COL25A1: variants seen among roughly 807,000 people sequenced by gnomAD.
COL25A1 encodes collagen type XXV alpha 1 chain.
In COL25A1, 103 loss-of-function variants were observed where a neutral mutation model predicts 128.4. That is an observed-to-expected ratio of 0.80 (90% CI 0.68 to 0.94). COL25A1 has a LOEUF of 0.94. COL25A1 is among the 40% of genes least tolerant of loss of function. The pLI, the probability that COL25A1 is intolerant of heterozygous loss-of-function variation, is 0.00. For synonymous variants in COL25A1, 279 were observed against 277.2 expected (o/e 1.01, Z -0.06); for missense variants, 745 against 840.0 (o/e 0.89, Z 1.40).
intron 3 of COL25A1, among the ~76,000 whole-genome samples, chr4:109,168,062 T>C (rs1303947610): frequency 1.3e-5 from 2 of 152,180 alleles, no homozygotes; most frequent in African/African-American, 2.4e-5. Context: ...GAAAGAATGA[T>C]GAACTAAGAC....
At chr4:108,924,402 A>C (rs762946247) in intron 11 of COL25A1, among the ~76,000 whole-genome samples, 31 of 152,168 alleles carry the variant, frequency 2.0e-4, no homozygotes, top group Non-Finnish European at 2.2e-4. Context: ...ATATGTAAAG[A>C]TTTATGTACA....
Position 109,208,483 on chromosome 4 carries a change from TAA to T in COL25A1, c.367+92098_367+92099del, listed in dbSNP as rs199675745. The stretch of plus-strand genomic sequence containing the variant: ...TTCCAAGAAAGAAGATATCAGTTAA[TAA>T]AAAAAAAAAAAACAAATTATTAAAT... On this transcript the variant is annotated intron_variant, in intron 3 of 37. Transcript: ENST00000399132. Among the ~76,000 whole-genome samples, 179 of 138,314 alleles carry T rather than the reference TAA, an allele frequency of 1.3e-3. 1 individual carries two copies. The highest frequency in any genetic ancestry group is 4.7e-3 in the African/African-American group (172 of 36,656). 90.7% of individuals were successfully genotyped at this position (138,314 alleles called of 152,430 possible). A position where few individuals can be genotyped will look rare whatever the true frequency, so the allele number is the denominator to read the frequency against.
chr4:109,128,310 A>C (rs1335232873), intron 3 of COL25A1, among the ~76,000 whole-genome samples: 2 of 152,204 alleles, frequency 1.3e-5, no homozygotes, highest in Non-Finnish European at 2.9e-5. Flanking sequence ...AATTTCTTCC[A>C]GAGGAGCCTG....
intron 19 of COL25A1, among the ~76,000 whole-genome samples, chr4:108,869,406 G>A (rs368213723): frequency 1.1e-4 from 16 of 152,030 alleles, no homozygotes; most frequent in African/African-American, 3.1e-4. Flanking sequence ...ATCCTGAGTC[G>A]GGGGGAGGGG....
chr4:109,012,968 T>C (rs575159346), intron 5 of COL25A1, among the ~76,000 whole-genome samples: 1 of 152,352 alleles, frequency 6.6e-6, no homozygotes, highest in South Asian at 2.1e-4. Context: ...CTTTTATGTC[T>C]ATGCAGAGGA....
chr4:108,931,686 C>A (rs556492464), intron 11 of COL25A1, among the ~76,000 whole-genome samples: 60 of 152,268 alleles, frequency 3.9e-4, no homozygotes, highest in African/African-American at 1.3e-3. Flanking sequence ...CAGGTCCCCC[C>A]AGCCTGGGGA....
chr4:109,252,209 T>C (rs1780700646), intron 3 of COL25A1, among the ~76,000 whole-genome samples: 2 of 152,196 alleles, frequency 1.3e-5, no homozygotes, highest in African/African-American at 4.8e-5. Context: ...TGCTGCCCCT[T>C]CTATGATGGA....
At chr4:109,243,790 A>C (rs1780063844) in intron 3 of COL25A1, among the ~76,000 whole-genome samples, 2 of 152,102 alleles carry the variant, frequency 1.3e-5, no homozygotes, top group African/African-American at 4.8e-5. Flanking sequence ...AATCTGACAT[A>C]GATTACCATC....
chr4:109,047,878 G>A (rs1470114819), intron 5 of COL25A1, among the ~76,000 whole-genome samples: 9 of 151,668 alleles, frequency 5.9e-5, no homozygotes, highest in Non-Finnish European at 1.3e-4. Context: ...GACTACAGGC[G>A]CCCACCAACA....
chr4:108,870,213 G>A (rs750575079), intron 19 of COL25A1, among the ~76,000 whole-genome samples: 11 of 151,986 alleles, frequency 7.2e-5, no homozygotes, highest in Non-Finnish European at 1.6e-4. Context: ...CCGTGATGGC[G>A]CCACTGCACT....
chr4:109,028,724 C>CAA (rs200207141), intron 5 of COL25A1, among the ~76,000 whole-genome samples: 3 of 147,200 alleles, frequency 2.0e-5, no homozygotes, highest in African/African-American at 7.6e-5. Context: ...GACTCCATCT[C>CAA]AAAAAAAAGA....
chr4:109,270,957 A>G (rs1242408298), intron 3 of COL25A1, among the ~76,000 whole-genome samples: 3 of 152,128 alleles, frequency 2.0e-5, no homozygotes, highest in African/African-American at 7.2e-5. Context: ...TTCTTAACAG[A>G]TATTAGCCTT....
At chr4:109,186,637 GT>G (rs1301941824) in intron 3 of COL25A1, among the ~76,000 whole-genome samples, 4 of 152,118 alleles carry the variant, frequency 2.6e-5, no homozygotes, top group Admixed American at 2.6e-4. Context: ...CTTTCAAGTG[GT>G]CCCCTTTCAT....
chr4:109,196,955 C>T (rs1295262271), intron 3 of COL25A1, among the ~76,000 whole-genome samples: 1 of 152,120 alleles, frequency 6.6e-6, no homozygotes. Flanking sequence ...CATTTAGAAT[C>T]TGTTTACCAG....
chr4:109,258,821 T>G (rs144090506), intron 3 of COL25A1, among the ~76,000 whole-genome samples: 1,624 of 152,302 alleles, frequency 0.011, 11 homozygotes, highest in South Asian at 0.023. Context: ...TTTCTATATC[T>G]AAAGGATCCT....
At chr4:109,212,593 A>G (rs1311413752) in intron 3 of COL25A1, among the ~76,000 whole-genome samples, 1 of 152,174 alleles carries the variant, frequency 6.6e-6, no homozygotes. Context: ...ATATGAAGAC[A>G]GTATGCCCAT....
chr4:108,861,925 T>C (rs1394244697), intron 22 of COL25A1, among the ~76,000 whole-genome samples: 4 of 152,202 alleles, frequency 2.6e-5, no homozygotes, highest in African/African-American at 9.6e-5. Flanking sequence ...TCATAATAAA[T>C]TTGCTATGAA....
chr4:108,972,941 G>A (rs959097079), intron 8 of COL25A1, among the ~76,000 whole-genome samples: 4 of 152,138 alleles, frequency 2.6e-5, no homozygotes, highest in Admixed American at 6.6e-5. Context: ...TCTTTTTAAC[G>A]ATGAAAGCCA....
At chr4:109,255,739 A>T (rs893466993) in intron 3 of COL25A1, among the ~76,000 whole-genome samples, 2 of 152,224 alleles carry the variant, frequency 1.3e-5, no homozygotes, top group African/African-American at 2.4e-5. Context: ...CTCTCATTAA[A>T]ACGCTTAGTA....
Sources: gnomAD v4.1 joint callset for allele counts (sites outside exome capture counted in the v4.1 genomes callset) on GRCh38, gnomAD v4.1.1 for gene constraint, MANE v1.5 for transcripts, NCBI Gene and HGNC (gene_info 2026-07-23, HGNC 2026-07-21) for gene names.